The following PPP2R2B variants were observed in gnomAD, a reference collection of about 807,000 sequenced individuals.
PPP2R2B encodes the protein protein phosphatase 2 regulatory subunit Bbeta, also known as serine/threonine-protein phosphatase 2A 55 kDa regulatory subunit B beta isoform.
PPP2R2B carries 5 observed loss-of-function variants against 46.0 expected under a neutral mutation model. The ratio of observed to expected loss-of-function variants is 0.11; its 90% CI spans 0.06 to 0.23. PPP2R2B has a LOEUF of 0.23. Ranked by LOEUF, PPP2R2B falls within the 10% of genes least tolerant of loss-of-function variation. The pLI, the probability that PPP2R2B is intolerant of heterozygous loss-of-function variation, is 1.00. For missense variants in PPP2R2B, 367 were observed against 575.0 expected (o/e 0.64, Z 3.70); for synonymous variants, 215 against 206.7 (o/e 1.04, Z -0.34).
intron 2 of PPP2R2B, among the ~76,000 whole-genome samples, chr5:146,778,710 A>G (rs751462690): frequency 6.6e-6 from 1 of 152,202 alleles, no homozygotes; most frequent in Non-Finnish European, 1.5e-5. Context: ...CAGTGACTCA[A>G]ATTTATAAAG....
chr5:147,078,675 G>A (rs555023944), intron 2 of PPP2R2B, among the ~76,000 whole-genome samples: 80 of 152,060 alleles, frequency 5.3e-4, no homozygotes, highest in African/African-American at 1.5e-3. Flanking sequence ...GGCATATTTG[G>A]TGGGTGCCTG....
intron 2 of PPP2R2B, among the ~76,000 whole-genome samples, chr5:146,777,921 C>A (rs1185566510): frequency 6.6e-6 from 1 of 152,114 alleles, no homozygotes; most frequent in Non-Finnish European, 1.5e-5. Context: ...GTAAAATTCC[C>A]AGCACTGAAG....
intron 1 of PPP2R2B, among the ~76,000 whole-genome samples, chr5:146,966,462 T>G (rs1285953180): frequency 6.6e-6 from 1 of 152,188 alleles, no homozygotes; most frequent in African/African-American, 2.4e-5. Context: ...AACTGTATTC[T>G]TACACTGCGG....
intron 2 of PPP2R2B, among the ~76,000 whole-genome samples, chr5:146,826,918 T>A (rs1031042165): frequency 2.6e-5 from 4 of 152,194 alleles, no homozygotes; most frequent in Non-Finnish European, 5.9e-5. Context: ...CTAACTTATA[T>A]TAATTGGCTT....
At chr5:146,986,500 C>T (rs901653608) in intron 1 of PPP2R2B, among the ~76,000 whole-genome samples, 1 of 151,924 alleles carries the variant, frequency 6.6e-6, no homozygotes, top group African/African-American at 2.4e-5. Context: ...TGAAGATGCT[C>T]AACAAATTTC....
chr5:146,652,183 C>T (rs142208385), intron 5 of PPP2R2B, among the ~76,000 whole-genome samples: 14 of 152,298 alleles, frequency 9.2e-5, no homozygotes, highest in Non-Finnish European at 1.6e-4. Flanking sequence ...TCACCACTAA[C>T]CAATAGGCTA....
chr5:146,981,898 C>T (rs1197478533), intron 1 of PPP2R2B, among the ~76,000 whole-genome samples: 1 of 152,160 alleles, frequency 6.6e-6, no homozygotes, highest in Admixed American at 6.6e-5. Context: ...GACTCATAAC[C>T]TCTGTAGCAA....
chr5:146,938,241 A>C (rs548686197), intron 1 of PPP2R2B, among the ~76,000 whole-genome samples: 120 of 152,340 alleles, frequency 7.9e-4, no homozygotes, highest in African/African-American at 2.8e-3. Flanking sequence ...TGCAAGATGT[A>C]CTCTGATTTC....
At chr5:146,804,307 A>G (rs892942590) in intron 2 of PPP2R2B, among the ~76,000 whole-genome samples, 5 of 152,120 alleles carry the variant, frequency 3.3e-5, no homozygotes, top group African/African-American at 1.2e-4. Flanking sequence ...AGGTACTTTC[A>G]TCTCTGTTTT....
chr5:146,707,700 A>C (rs770129550), intron 2 of PPP2R2B: 2 of 512,662 alleles, frequency 3.9e-6, no homozygotes, highest in Non-Finnish European at 7.0e-6. Context: ...TAACAGGTAA[A>C]GCAATATGTA....
At chr5:146,789,887 A>T (rs1484821780) in intron 2 of PPP2R2B, among the ~76,000 whole-genome samples, 1 of 152,200 alleles carries the variant, frequency 6.6e-6, no homozygotes, top group Non-Finnish European at 1.5e-5. Flanking sequence ...GGCCGGATGT[A>T]GCAGATGGTC....
intron 2 of PPP2R2B, among the ~76,000 whole-genome samples, chr5:146,793,230 C>G (rs149497119): frequency 6.6e-6 from 1 of 152,090 alleles, no homozygotes; most frequent in Non-Finnish European, 1.5e-5. Flanking sequence ...GAGGAAGGGA[C>G]AGTTGTAGGT....
intron 5 of PPP2R2B, among the ~76,000 whole-genome samples, chr5:146,682,148 C>A (rs1187787048): frequency 6.6e-6 from 1 of 152,140 alleles, no homozygotes; most frequent in African/African-American, 2.4e-5. Context: ...GTAAGTGCAG[C>A]ATAACAAAGG....
At chr5:147,067,138 T>C (rs1332250147) in intron 2 of PPP2R2B, among the ~76,000 whole-genome samples, 3 of 152,210 alleles carry the variant, frequency 2.0e-5, no homozygotes, top group African/African-American at 7.2e-5. Flanking sequence ...ATGGCTAAGT[T>C]AATTAACATA....
intron 2 of PPP2R2B, among the ~76,000 whole-genome samples, chr5:146,851,263 T>C (rs1411392440): frequency 1.3e-5 from 2 of 152,128 alleles, no homozygotes; most frequent in African/African-American, 4.8e-5. Context: ...TCATTGGCCT[T>C]GGATTTCATT....
At chr5:146,656,871 A>T (rs976240442) in intron 5 of PPP2R2B, among the ~76,000 whole-genome samples, 1 of 152,064 alleles carries the variant, frequency 6.6e-6, no homozygotes, top group Admixed American at 6.5e-5. Flanking sequence ...CTCCCTCACC[A>T]TTCCTTCTGT....
chr5:147,049,116 G>A (rs78118264), intron 1 of PPP2R2B, among the ~76,000 whole-genome samples: 1 of 151,024 alleles, frequency 6.6e-6, no homozygotes, highest in Non-Finnish European at 1.5e-5. Context: ...GTGTGTGTGT[G>A]TGTGTGTGAG....
intron 1 of PPP2R2B, among the ~76,000 whole-genome samples, chr5:146,912,521 T>C (rs866275606): frequency 0.014 from 2,145 of 151,552 alleles, 55 homozygotes; most frequent in African/African-American, 0.05. Flanking sequence ...TCTTTTTTTT[T>C]TTTTGTTTTT....
intron 8 of PPP2R2B, among the ~76,000 whole-genome samples, chr5:146,596,903 T>A (rs1286477358): frequency 2.0e-5 from 3 of 152,196 alleles, no homozygotes; most frequent in Non-Finnish European, 4.4e-5. Context: ...CACAGAGTCA[T>A]CAAAGTCTTC....
Sources: gnomAD v4.1 joint callset for allele counts (sites outside exome capture counted in the v4.1 genomes callset) on GRCh38, gnomAD v4.1.1 for gene constraint, MANE v1.5 for transcripts, NCBI Gene and HGNC (gene_info 2026-07-23, HGNC 2026-07-21) for gene names.